VPS53: variants seen among roughly 807,000 people sequenced by gnomAD.
VPS53 encodes the protein VPS53 subunit of GARP complex.
In VPS53, 70 loss-of-function variants were observed where a neutral mutation model predicts 107.0. The observed-to-expected ratio is 0.65, with a 90% confidence interval of 0.54 to 0.80. The LOEUF (loss-of-function observed/expected upper bound fraction) is 0.80, where lower values mean the gene tolerates loss of function less well. Among genes scored for constraint, VPS53 ranks in the 30% least tolerant of loss-of-function variants. The probability of loss-of-function intolerance (pLI) is 0.00; values close to 1 mark genes in which losing one functional copy is unlikely to be tolerated. For synonymous variants in VPS53, 409 were observed against 393.3 expected (o/e 1.04, Z -0.47); for missense variants, 917 against 1,049.4 (o/e 0.87, Z 1.74).
Position 512,141 on chromosome 17 carries a change from T to C in VPS53, c.*6987A>G, listed in dbSNP as rs1264212309. On this transcript the variant is annotated 3_prime_UTR_variant, in exon 22 of 22. Transcript: ENST00000437048. ...AGATATGCGGAGCTCGCTGCGGATG[T>C]AGCCTGCACACGGCCGCAGGATTTG... 2 of 152,220 alleles carry C rather than the reference T, an allele frequency of 1.3e-5. No individual in the cohort carries two copies. The highest frequency in any genetic ancestry group is 2.9e-5 in the Non-Finnish European group (2 of 68,052). The allele number at this position is 152,220 out of a possible 1,614,324, so 9.4% of individuals were successfully genotyped here. A position where few individuals can be genotyped will look rare whatever the true frequency, so the allele number is the denominator to read the frequency against.
At chr17:612,615 C>T (rs1301413461) in intron 11 of VPS53, among the ~76,000 whole-genome samples, 5 of 150,724 alleles carry the variant, frequency 3.3e-5, no homozygotes, top group Non-Finnish European at 5.9e-5. Context: ...AAAACCTGTA[C>T]AAATATTCAT....
At chr17:545,128 G>A (rs1420229879) in intron 17 of VPS53, among the ~76,000 whole-genome samples, 1 of 152,150 alleles carries the variant, frequency 6.6e-6, no homozygotes, top group Non-Finnish European at 1.5e-5. Flanking sequence ...TGGTCTAGAA[G>A]TTAATTTTGC....
intron 13 of VPS53, among the ~76,000 whole-genome samples, chr17:573,058 A>T (rs1464484665): frequency 6.6e-6 from 1 of 152,242 alleles, no homozygotes; most frequent in African/African-American, 2.4e-5. Flanking sequence ...TAAAATAATC[A>T]ACAATGGTAA....
At chr17:592,958 C>T (rs1055794560) in intron 12 of VPS53, among the ~76,000 whole-genome samples, 1 of 152,106 alleles carries the variant, frequency 6.6e-6, no homozygotes, top group Non-Finnish European at 1.5e-5. Context: ...GGGAAGTTCT[C>T]CTGGATAGAT....
rs1290464541 is a variant in VPS53 at position 591,120 on chromosome 17, T to C, written c.1219-4756A>G. Among the ~76,000 whole-genome samples the C allele has an allele frequency of 6.6e-5, 10 of 152,196 alleles. No individual in the cohort carries two copies. The South Asian group carries it at 1.5e-3, about 22-fold the overall frequency. Reference sequence around the variant, plus strand: ...GTTTAGTTTTGGGAGAGTGTATGTGTCGAGGAATTTATCCATTTCTTCTAG... The same window carrying C: ...GTTTAGTTTTGGGAGAGTGTATGTGCCGAGGAATTTATCCATTTCTTCTAG... On this transcript the variant is annotated intron_variant, in intron 12 of 21. Coordinates refer to ENST00000437048, the MANE Select transcript of VPS53 (RefSeq NM_001128159.3).
intron 17 of VPS53, among the ~76,000 whole-genome samples, chr17:543,831 GGGAGGGAGGGAGGGAGGGAA>G (rs1567611523): frequency 9.9e-5 from 7 of 70,800 alleles, no homozygotes; most frequent in African/African-American, 1.4e-4. Flanking sequence ...GAGGGAGGGA[GGGAGGGAGGGAGGGAGGGAA>G]GGAGGGAAGG....
At chr17:634,616 A>G (rs1597410402) in intron 7 of VPS53, among the ~76,000 whole-genome samples, 1 of 141,036 alleles carries the variant, frequency 7.1e-6, no homozygotes, top group Non-Finnish European at 1.5e-5. Context: ...TCATTGTTCA[A>G]TTCCCACCTA....
In VPS53 at chr17:519,832, G is replaced by A; in HGVS notation, c.2322C>T (p.Asp774=). Residue 774 remains aspartate, a synonymous_variant, in exon 21 of 22, where the codon GAC becomes GAT. Transcript: ENST00000437048. The surrounding 1 kb of genome is among the most constrained non-coding windows in gnomAD (Gnocchi z 5.0). ...CAAATGTCCCGGCACAAACCTTCAT[G>A]TCCAGTATCTTCTGAAAGGTTTCTG... ...CNTETFQKIL[D]MKGLKRSEQS... is the part of the protein sequence containing the mutation. 6.4e-7 allele frequency: 1 copy of A among 1,550,756 alleles called. No homozygotes were observed. Among genetic ancestry groups the A allele is most frequent in the Non-Finnish European group, 8.7e-7 (1 of 1,146,112 alleles).
rs1324816414 is a variant in VPS53, at chr17:520,192, G to A, written c.2224-262C>T. ...ACTACAGCAATGTCCTAAATTTGCTGAATCCTAAATACACCTGCGCTGCTG... is the reference window on the plus strand; with the variant it reads ...ACTACAGCAATGTCCTAAATTTGCTAAATCCTAAATACACCTGCGCTGCTG... On this transcript the variant is annotated intron_variant, in intron 20 of 21. Coordinates refer to ENST00000437048, the MANE Select transcript of VPS53 (RefSeq NM_001128159.3). This position sits in a 1 kb window ranked among gnomAD's most constrained non-coding sequence, Gnocchi z 4.4. Among the ~76,000 whole-genome samples, 1 of 152,150 alleles carries A rather than the reference G, an allele frequency of 6.6e-6. No homozygotes were observed. The highest frequency in any genetic ancestry group is 2.4e-5 in the African/African-American group (1 of 41,430).
At chr17:582,609 A>G (rs187916821) in intron 13 of VPS53, among the ~76,000 whole-genome samples, 6 of 144,146 alleles carry the variant, frequency 4.2e-5, no homozygotes, top group Non-Finnish European at 9.1e-5. Flanking sequence ...CAGAACCTCA[A>G]CGCAGTCCCA....
intron 4 of VPS53, chr17:673,547 C>T (rs1972047322): frequency 6.6e-6 from 1 of 152,318 alleles, no homozygotes; most frequent in Admixed American, 6.5e-5. Flanking sequence ...CGGACTCTCA[C>T]AGCCACAGAT....
chr17:684,762 G>A (rs572653047), intron 4 of VPS53, among the ~76,000 whole-genome samples: 67 of 152,184 alleles, frequency 4.4e-4, no homozygotes, highest in Admixed American at 3.1e-3. Context: ...CGAGGCGAGT[G>A]AATCACCGAG....
chr17:615,874 C>G (rs1969112145), intron 11 of VPS53: 1 of 152,256 alleles, frequency 6.6e-6, no homozygotes, highest in Admixed American at 6.5e-5. Context: ...GCAGCCCCTT[C>G]CCGGTGCTTT....
intron 4 of VPS53, chr17:676,120 G>T (rs1210098075): frequency 3.3e-5 from 5 of 152,162 alleles, no homozygotes; most frequent in Non-Finnish European, 5.9e-5. Flanking sequence ...GGAGACCCTG[G>T]AGTCCAAATT....
At chr17:661,933 TAG>T in intron 4 of VPS53, 38 bp from the exon 5 acceptor site, 1 of 1,497,354 alleles carries the variant, frequency 6.7e-7, no homozygotes, top group Non-Finnish European at 9.1e-7. Context: ...AAAAAGTGGC[TAG>T]AGACAGCTCC....
intron 11 of VPS53, among the ~76,000 whole-genome samples, chr17:614,716 C>T (rs1386299861): frequency 6.6e-6 from 1 of 152,040 alleles, no homozygotes; most frequent in East Asian, 1.9e-4. Context: ...GCTGGGTGGT[C>T]TTTCATGAGT....
At chr17:600,107 G>A (rs991446609) in intron 12 of VPS53, 3 of 152,164 alleles carry the variant, frequency 2.0e-5, no homozygotes, top group Non-Finnish European at 4.4e-5. Context: ...TTCATAGGAG[G>A]AAAAAGTTCC....
intron 17 of VPS53, among the ~76,000 whole-genome samples, chr17:546,583 T>C (rs928226339): frequency 2.0e-5 from 3 of 152,160 alleles, no homozygotes; most frequent in African/African-American, 7.2e-5. Context: ...TCAAAGAGAA[T>C]ATACAAATCG....
chr17:713,522 G>A (rs1048979486), intron 1 of VPS53, among the ~76,000 whole-genome samples: 2 of 150,454 alleles, frequency 1.3e-5, no homozygotes, highest in African/African-American at 4.9e-5. Flanking sequence ...GCATGGTAGC[G>A]GTTGCCTGTA....
Sources: gnomAD v4.1 joint callset for allele counts (sites outside exome capture counted in the v4.1 genomes callset) on GRCh38, gnomAD v4.1.1 for gene constraint, Gnocchi (gnomAD v3.1) non-coding constraint, MANE v1.5 for transcripts, NCBI Gene and HGNC (gene_info 2026-07-23, HGNC 2026-07-21) for gene names.